Variants in KATNIP observed in about 807,000 individuals in gnomAD.
KATNIP encodes the protein katanin-interacting protein.
A neutral mutation model predicts 174.0 loss-of-function variants in KATNIP; 126 were observed. The observed-to-expected ratio is 0.72, with a 90% confidence interval of 0.63 to 0.84. The LOEUF is 0.84. Among genes scored for constraint, KATNIP ranks in the 40% least tolerant of loss-of-function variants. KATNIP has a pLI of 0.00. For synonymous variants in KATNIP, 810 were observed against 835.7 expected, an observed-to-expected ratio of 0.97 and a Z score of 0.53; for missense variants, 1,958 against 2,109.7, an observed-to-expected ratio of 0.93 and a Z score of 1.41.
chr16:27,634,689 T>C (rs933339790), intron 5 of KATNIP, among the ~76,000 whole-genome samples: 1 of 152,178 alleles, frequency 6.6e-6, no homozygotes, highest in African/African-American at 2.4e-5. Flanking sequence ...ACAGCCAACA[T>C]CTATCCCCCT....
At chr16:27,592,208 AC>A (rs1296183120) in intron 2 of KATNIP, among the ~76,000 whole-genome samples, 3 of 150,272 alleles carry the variant, frequency 2.0e-5, no homozygotes, top group Non-Finnish European at 3.0e-5. Flanking sequence ...AATATTAGCA[AC>A]CATGTATTCC....
chr16:27,758,521 T>C (rs138039094), intron 18 of KATNIP, among the ~76,000 whole-genome samples: 26 of 152,274 alleles, frequency 1.7e-4, no homozygotes, highest in African/African-American at 5.3e-4. Context: ...TGCTTCAACA[T>C]AGAATCTGCC....
chr16:27,628,755 G>A lies in KATNIP; in HGVS notation c.235G>A (p.Glu79Lys), dbSNP rs2076402172. 3.7e-6 allele frequency: 6 copies of A among 1,614,184 alleles called. No homozygotes were observed. In the East Asian group the frequency reaches 1.3e-4, roughly 36 times the overall value. ...FSVYVNGANS[E>K]LKSSPRKAIH... is the part of the protein sequence containing the mutation. The stretch of plus-strand genomic sequence containing the variant: ...TGTCTATGTCAACGGTGCCAATTCG[G>A]AGCTGAAATCATCACCGCGGAAAGC... The change falls in exon 4 of 28, where the codon GAG becomes AAG. Residue 79 changes from glutamate (E) to lysine (K), a missense_variant. This residue lies in a region of KATNIP where 1,557 missense variants were observed against 1,617.8 expected (regional missense o/e 0.96). Transcript: ENST00000261588.
chr16:27,628,674 T>C lies in KATNIP; in HGVS notation c.154T>C (p.Leu52=). Residue 52 remains leucine (L), a synonymous_variant, in exon 4 of 28, where the codon TTG becomes CTG. Transcript: ENST00000261588. ...LQQRNRILKH[L]KSKDPVQLRL... ...TTTCTCTTTCAGGATATTAAAGCATTTGAAAAGCAAGGACCCCGTGCAATT... is the reference window on the plus strand; with the variant it reads ...TTTCTCTTTCAGGATATTAAAGCATCTGAAAAGCAAGGACCCCGTGCAATT... The C allele has an allele frequency of 6.2e-7, 1 of 1,614,148 alleles. No individual in the cohort carries two copies. Among genetic ancestry groups the C allele is most frequent in the Non-Finnish European group, 8.5e-7 (1 of 1,180,004 alleles).
intron 2 of KATNIP, among the ~76,000 whole-genome samples, chr16:27,600,777 A>G (rs1334405213): frequency 6.7e-6 from 1 of 149,510 alleles, no homozygotes; most frequent in African/African-American, 2.5e-5. Context: ...TTTCCCAGGC[A>G]GGAGTGCAGT....
At chr16:27,584,165 C>T (rs2090799933) in intron 2 of KATNIP, among the ~76,000 whole-genome samples, 1 of 152,044 alleles carries the variant, frequency 6.6e-6, no homozygotes, top group South Asian at 2.1e-4. Flanking sequence ...GCTTCTTCCT[C>T]CTTCTTTGCT....
At chr16:27,558,111 C>T (rs142256730) in intron 1 of KATNIP, among the ~76,000 whole-genome samples, 1 of 152,208 alleles carries the variant, frequency 6.6e-6, no homozygotes, top group East Asian at 1.9e-4. Flanking sequence ...CTGTGGACTT[C>T]CTTGTATGCC....
intron 5 of KATNIP, among the ~76,000 whole-genome samples, chr16:27,641,295 A>G (rs558107293): frequency 1.2e-4 from 18 of 152,136 alleles, no homozygotes; most frequent in Admixed American, 2.0e-4. Context: ...CTCAAACGAT[A>G]TAATGACCTA....
At chr16:27,616,887 TAAAAAAAAAAAAAAAAAAAAAA>T (rs556687403) in intron 2 of KATNIP, among the ~76,000 whole-genome samples, 2 of 31,428 alleles carry the variant, frequency 6.4e-5, no homozygotes, top group Admixed American at 7.0e-4. Flanking sequence ...CCATCTCTAC[TAAAAAAAAAAAAAAAAAAAAAA>T]AAAAAAAAAA....
intron 1 of KATNIP, among the ~76,000 whole-genome samples, chr16:27,566,320 C>T (rs969245389): frequency 6.6e-6 from 1 of 152,150 alleles, no homozygotes; most frequent in Non-Finnish European, 1.5e-5. Flanking sequence ...AGGCAGATCA[C>T]CTGAGGTCAG....
rs2076661304 is a variant in KATNIP, at chr16:27,637,154, T to C, written c.408+5992T>C. 6.6e-6 allele frequency among the ~76,000 whole-genome samples: 1 copy of C among 152,104 alleles called. No homozygotes were observed. The highest frequency in any genetic ancestry group is 6.5e-5 in the Admixed American group (1 of 15,280). On this transcript the variant is annotated intron_variant, in intron 5 of 27. Transcript: ENST00000261588. The surrounding 1 kb of genome is among the most constrained non-coding windows in gnomAD (Gnocchi z 4.7). ...GAAGCAGTGCCTGGCACAGGAGAAA[T>C]AGTGAATGGTGCTGCCTGTTGTTGT...
At chr16:27,778,483 C>G in intron 27 of KATNIP, 91 bp from the exon 28 acceptor site, 1 of 1,360,508 alleles carries the variant, frequency 7.4e-7, no homozygotes, top group Non-Finnish European at 1.0e-6. Context: ...GAATGGCAAC[C>G]CAGGCTGCTG....
At chr16:27,587,921 CTT>C (rs111346127) in intron 2 of KATNIP, among the ~76,000 whole-genome samples, 3 of 106,724 alleles carry the variant, frequency 2.8e-5, no homozygotes, top group Non-Finnish European at 2.0e-5. Flanking sequence ...CTTTTCTTTT[CTT>C]TTTTTTTTTT....
chr16:27,775,006 C>T lies in KATNIP; in HGVS notation c.4371C>T (p.Thr1457=), dbSNP rs896898849. The change falls in exon 24 of 28, where the codon ACC becomes ACT. Residue 1457 remains threonine, a synonymous_variant. Coordinates refer to ENST00000261588, the MANE Select transcript of KATNIP (RefSeq NM_015202.5). ...AGGGTGTGGGCGGGGACGTCCGCAC[C>T]CCAGACAAGCTCATCGACCAAGTGA... The part of the protein sequence containing the change: ...SLEGVGGDVR[T]PDKLIDQVND... The T allele has an allele frequency of 6.2e-7, 1 of 1,613,798 alleles. No individual in the cohort carries two copies. Among genetic ancestry groups the T allele is most frequent in the Admixed American group, 1.7e-5 (1 of 60,000 alleles).
chr16:27,721,590 C>A lies in KATNIP; in HGVS notation c.1638C>A (p.Pro546=), dbSNP rs140963462. The A allele has an allele frequency of 6.2e-7, 1 of 1,614,218 alleles. No individual in the cohort carries two copies. Among genetic ancestry groups the A allele is most frequent in the Non-Finnish European group, 8.5e-7 (1 of 1,180,026 alleles). ...GKKDSSPWTC[P]FHPPLQLFFV... Reference sequence around the variant, plus strand: ...AAGACTCCTCCCCGTGGACCTGCCCCTTCCACCCACCACTCCAGCTGTTTT... The same window carrying A: ...AAGACTCCTCCCCGTGGACCTGCCCATTCCACCCACCACTCCAGCTGTTTT... The change falls in exon 14 of 28, where the codon CCC becomes CCA. Residue 546 remains proline (P), a synonymous_variant. Transcript: ENST00000261588.
At chr16:27,727,470 G>C (rs568565219) in intron 14 of KATNIP, 1 of 152,598 alleles carries the variant, frequency 6.6e-6, no homozygotes, top group African/African-American at 2.4e-5. Context: ...GCCCGGTCCT[G>C]ATTGAGGAAT....
chr16:27,775,142 T>A (rs2082451714), intron 24 of KATNIP, 58 bp downstream of exon 24: 1 of 1,566,898 alleles, frequency 6.4e-7, no homozygotes, highest in Admixed American at 1.9e-5. Context: ...AGGGGGACTT[T>A]CTTTCCCTGG....
intron 2 of KATNIP, among the ~76,000 whole-genome samples, chr16:27,597,015 T>C (rs1352878752): frequency 6.6e-6 from 1 of 151,744 alleles, no homozygotes; most frequent in Non-Finnish European, 1.5e-5. Context: ...AGAGTGAGAA[T>C]GTCTCAAAAA....
intron 1 of KATNIP, among the ~76,000 whole-genome samples, chr16:27,570,768 G>A (rs2090261048): frequency 6.6e-6 from 1 of 151,996 alleles, no homozygotes; most frequent in African/African-American, 2.4e-5. Context: ...TTTTGCAGCT[G>A]GGTCTCCAGG....
Sources: gnomAD v4.1 joint callset for allele counts (sites outside exome capture counted in the v4.1 genomes callset) on GRCh38, gnomAD v4.1.1 for gene constraint, gnomAD v4.1.1 regional missense constraint, Gnocchi (gnomAD v3.1) non-coding constraint, MANE v1.5 for transcripts, NCBI Gene and HGNC (gene_info 2026-07-23, HGNC 2026-07-21) for gene names.